Variants in LUC7L observed in about 807,000 individuals in gnomAD.
The protein encoded by LUC7L is putative RNA-binding protein Luc7-like 1.
Under a neutral mutation model 51.1 loss-of-function variants are expected in LUC7L, and 29 were observed. That is an observed-to-expected ratio of 0.57 (90% CI 0.42 to 0.77). The LOEUF is 0.77. LUC7L is among the 30% of genes least tolerant of loss of function. The probability of loss-of-function intolerance (pLI) is 0.00; values close to 1 mark genes in which losing one functional copy is unlikely to be tolerated. For synonymous variants in LUC7L, 181 were observed against 180.7 expected, an observed-to-expected ratio of 1.00 and a Z score of -0.01; for missense variants, 403 against 511.9, an observed-to-expected ratio of 0.79 and a Z score of 2.05.
chr16:198,148 A>G (rs113604211), intron 6 of LUC7L, among the ~76,000 whole-genome samples: 7,723 of 151,736 alleles, frequency 0.051, 227 homozygotes, highest in Middle Eastern at 0.075. Flanking sequence ...GCGTGGTGGC[A>G]GGCACCTGTA....
intron 2 of LUC7L, among the ~76,000 whole-genome samples, chr16:223,354 A>C (rs2050030285): frequency 6.6e-6 from 1 of 152,122 alleles, no homozygotes; most frequent in Non-Finnish European, 1.5e-5. Context: ...GTCTCAAAAA[A>C]ATAAAATAAA....
At chr16:189,889 C>G in intron 9 of LUC7L, 79 bp downstream of exon 9, 1 of 1,544,932 alleles carries the variant, frequency 6.5e-7, no homozygotes, top group Non-Finnish European at 8.8e-7. Flanking sequence ...CCCCACCAGA[C>G]ACGGCCCTCA....
rs770142215 is a variant in LUC7L at position 193,040 on chromosome 16, G to C, written c.688-25C>G. ...TCTAAATAAATGAAACAAAAAATGA[G>C]GAAGAGCAAGTTACACAAACCAGAG... On this transcript the variant is annotated intron_variant, in intron 6 of 9. Coordinates refer to ENST00000293872, the MANE Select transcript of LUC7L (RefSeq NM_201412.3). The C allele has an allele frequency of 1.6e-5, 25 of 1,584,602 alleles. No homozygotes were observed. The South Asian group carries it at 2.8e-4, about 17-fold the overall frequency.
At chr16:206,545 A>G (rs1567181523) in intron 4 of LUC7L, among the ~76,000 whole-genome samples, 1 of 152,216 alleles carries the variant, frequency 6.6e-6, no homozygotes, top group East Asian at 1.9e-4. Context: ...TCAAATTAGC[A>G]ATTGCATAAA....
At chr16:217,652 G>C (rs1160923137) in intron 3 of LUC7L, among the ~76,000 whole-genome samples, 1 of 146,826 alleles carries the variant, frequency 6.8e-6, no homozygotes, top group East Asian at 2.0e-4. Flanking sequence ...GGTTGCAGTG[G>C]GCCGAGATCA....
chr16:215,298 T>C (rs1213058121), intron 3 of LUC7L, among the ~76,000 whole-genome samples: 2 of 151,236 alleles, frequency 1.3e-5, no homozygotes, highest in Admixed American at 1.3e-4. Flanking sequence ...CCATCCTCGC[T>C]AACATGGTGA....
chr16:220,154 T>C (rs1018233761), intron 3 of LUC7L: 2 of 152,592 alleles, frequency 1.3e-5, no homozygotes. Context: ...AATAAATCCT[T>C]ATCCACGTGA....
chr16:192,975 C>A lies in LUC7L; in HGVS notation c.728G>T (p.Arg243Leu), dbSNP rs1407054032. The change falls in exon 7 of 10, where the codon CGC (arginine) becomes CTC (leucine). Residue 243 changes from arginine (R) to leucine (L), a missense_variant. Transcript: ENST00000293872. Reference protein sequence around the residue: ...AEKQEKRNQDRLRRREERERE... With the variant: ...AEKQEKRNQDLLRRREERERE... Reference sequence around the variant, plus strand: ...TTCCCTCTCCTCTCTCCTCCTCAAGCGATCCTGATTTCTCTTCTCCTGCTT... The same window carrying A: ...TTCCCTCTCCTCTCTCCTCCTCAAGAGATCCTGATTTCTCTTCTCCTGCTT... 1.2e-6 allele frequency: 2 copies of A among 1,613,500 alleles called. No homozygotes were observed. The highest frequency in any genetic ancestry group is 2.2e-5 in the East Asian group (1 of 44,870).
chr16:209,489 C>CAAAA (rs5815040), intron 3 of LUC7L: 8 of 115,574 alleles, frequency 6.9e-5, no homozygotes, highest in African/African-American at 1.3e-4. Context: ...GATTCCATCT[C>CAAAA]AAAAAAAAAA....
At chr16:220,039 C>T (rs2049922981) in intron 3 of LUC7L, 1 of 152,162 alleles carries the variant, frequency 6.6e-6, no homozygotes, top group South Asian at 2.1e-4. Flanking sequence ...TGCTATGGGA[C>T]TTTACCAAAT....
intron 6 of LUC7L, among the ~76,000 whole-genome samples, chr16:193,238 T>C (rs1362040580): frequency 1.3e-5 from 2 of 152,022 alleles, no homozygotes; most frequent in African/African-American, 4.8e-5. Context: ...AACTTCCACC[T>C]CGAGTTCAAC....
chr16:205,470 G>A (rs2049455800), intron 5 of LUC7L, among the ~76,000 whole-genome samples: 1 of 152,182 alleles, frequency 6.6e-6, no homozygotes, highest in Admixed American at 6.5e-5. Context: ...AGTCAACGTA[G>A]ACCCACTGAC....
At chr16:190,232 T>C in intron 8 of LUC7L, 97 bp from the exon 9 acceptor site, 2 of 1,092,822 alleles carry the variant, frequency 1.8e-6, no homozygotes, top group South Asian at 3.0e-5. Context: ...TTTACTGACA[T>C]TTTCTCCTTT....
At chr16:211,580 C>T (rs2049641772) in intron 3 of LUC7L, among the ~76,000 whole-genome samples, 1 of 152,184 alleles carries the variant, frequency 6.6e-6, no homozygotes, top group Admixed American at 6.6e-5. Flanking sequence ...TGTTTCTCAA[C>T]TTTAGCCTGT....
intron 1 of LUC7L, chr16:228,236 G>C: frequency 7.7e-7 from 1 of 1,296,046 alleles, no homozygotes; most frequent in Non-Finnish European, 1.0e-6. Context: ...TCTTTTTATT[G>C]AAAATGTTTT....
intron 2 of LUC7L, among the ~76,000 whole-genome samples, chr16:226,786 C>T (rs1306908286): frequency 6.6e-6 from 1 of 152,190 alleles, no homozygotes; most frequent in Non-Finnish European, 1.5e-5. Context: ...GTATAAATGA[C>T]TTTACAAAAA....
chr16:220,362 T>A (rs2049931252), intron 3 of LUC7L: 1 of 265,780 alleles, frequency 3.8e-6, no homozygotes, highest in African/African-American at 2.2e-5. Flanking sequence ...ATGAAACCAT[T>A]CAAAACTAAG....
At chr16:213,420 G>A in intron 3 of LUC7L, among the ~76,000 whole-genome samples, 1 of 152,162 alleles carries the variant, frequency 6.6e-6, no homozygotes, top group East Asian at 1.9e-4. Flanking sequence ...GGGACAGGGA[G>A]ACACAGCGTC....
intron 3 of LUC7L, among the ~76,000 whole-genome samples, chr16:210,367 C>G (rs1299071592): frequency 6.6e-6 from 1 of 152,176 alleles, no homozygotes; most frequent in Non-Finnish European, 1.5e-5. Flanking sequence ...ATCAAAGAAT[C>G]AGGAAAACAA....
Sources: allele counts gnomAD v4.1 joint callset (sites outside exome capture counted in the v4.1 genomes callset), GRCh38; gene constraint gnomAD v4.1.1; transcripts MANE v1.5; gene names NCBI Gene and HGNC (gene_info 2026-07-23, HGNC 2026-07-21).